Variants in SLC35F4 observed in about 807,000 individuals in gnomAD.
The protein encoded by SLC35F4 is chromosome 14 open reading frame 36.
SLC35F4 carries 24 observed loss-of-function variants against 44.2 expected under a neutral mutation model. That is an observed-to-expected ratio of 0.54 (90% CI 0.39 to 0.76). The LOEUF is 0.76. SLC35F4 is among the 30% of genes least tolerant of loss of function. The pLI is 0.00. For synonymous variants in SLC35F4, 238 were observed against 223.6 expected, an observed-to-expected ratio of 1.06 and a Z score of -0.57; for missense variants, 562 against 586.1, an observed-to-expected ratio of 0.96 and a Z score of 0.42.
At chr14:57,569,676 G>C (rs539893103) in intron 6 of SLC35F4, 112 bp downstream of exon 6, 1 of 1,203,570 alleles carries the variant, frequency 8.3e-7, no homozygotes, top group East Asian at 2.7e-5. Context: ...AACAACATAA[G>C]TTTGGGAACT....
At chr14:57,814,578 T>A (rs1882354505) in intron 1 of SLC35F4, among the ~76,000 whole-genome samples, 1 of 152,264 alleles carries the variant, frequency 6.6e-6, no homozygotes, top group African/African-American at 2.4e-5. Context: ...TAATTTATTA[T>A]GAATACTAAT....
chr14:57,680,276 A>G (rs927787968), intron 1 of SLC35F4, among the ~76,000 whole-genome samples: 1 of 152,268 alleles, frequency 6.6e-6, no homozygotes, highest in African/African-American at 2.4e-5. Context: ...CAAAAACCAC[A>G]TGATTATCTC....
intron 4 of SLC35F4, among the ~76,000 whole-genome samples, chr14:57,577,276 A>G (rs924235668): frequency 3.3e-5 from 5 of 152,170 alleles, no homozygotes; most frequent in African/African-American, 1.2e-4. Flanking sequence ...AGTTTAACTG[A>G]TGTACTTCAG....
intron 1 of SLC35F4, among the ~76,000 whole-genome samples, chr14:57,727,260 A>G (rs1167221470): frequency 6.6e-6 from 1 of 151,936 alleles, no homozygotes; most frequent in Non-Finnish European, 1.5e-5. Flanking sequence ...TATAAGTTGT[A>G]ATGTCTCCTT....
chr14:57,651,545 C>G (rs2073784286), intron 1 of SLC35F4, among the ~76,000 whole-genome samples: 1 of 152,114 alleles, frequency 6.6e-6, no homozygotes, highest in African/African-American at 2.4e-5. Context: ...AGAACCACCT[C>G]TGAGGAGTAA....
At chr14:57,963,540 A>G (rs955506948) in intron 1 of SLC35F4, among the ~76,000 whole-genome samples, 1 of 152,080 alleles carries the variant, frequency 6.6e-6, no homozygotes, top group Non-Finnish European at 1.5e-5. Flanking sequence ...AGCTGCCACC[A>G]AACATAAATG....
At chr14:57,640,569 T>C (rs893254267) in intron 1 of SLC35F4, among the ~76,000 whole-genome samples, 3 of 152,018 alleles carry the variant, frequency 2.0e-5, no homozygotes, top group Non-Finnish European at 2.9e-5. Context: ...TTCAAGAGCA[T>C]TGAAAAGGAT....
chr14:57,656,238 T>A (rs1007240465), intron 1 of SLC35F4, among the ~76,000 whole-genome samples: 4 of 151,718 alleles, frequency 2.6e-5, no homozygotes, highest in African/African-American at 9.7e-5. Context: ...AAGTGGGAGA[T>A]GAAGGGCAAA....
intron 4 of SLC35F4, among the ~76,000 whole-genome samples, chr14:57,579,850 T>C (rs1040967): frequency 0.17 from 25,998 of 152,126 alleles, 2,462 homozygotes; most frequent in East Asian, 0.34. Context: ...GTTGTTATCT[T>C]AAAATTATTA....
At chr14:57,853,594 G>C (rs1886788624) in intron 1 of SLC35F4, among the ~76,000 whole-genome samples, 1 of 152,276 alleles carries the variant, frequency 6.6e-6, no homozygotes, top group South Asian at 2.1e-4. Context: ...CTTTCCCCAG[G>C]AATCTGGATT....
chr14:57,609,676 G>A (rs555185382), intron 1 of SLC35F4, among the ~76,000 whole-genome samples: 2 of 152,160 alleles, frequency 1.3e-5, no homozygotes, highest in South Asian at 2.1e-4. Context: ...CTCTCCTCTC[G>A]AAATCCTAAA....
chr14:57,868,933 A>G (rs1888238859), upstream of SLC35F4, among the ~76,000 whole-genome samples: 1 of 152,198 alleles, frequency 6.6e-6, no homozygotes, highest in Admixed American at 6.5e-5. Flanking sequence ...GAAGGTCATT[A>G]TTTGATTCAT....
chr14:57,775,862 CAGG>C (rs760344720), intron 1 of SLC35F4, among the ~76,000 whole-genome samples: 10 of 152,098 alleles, frequency 6.6e-5, no homozygotes, highest in Non-Finnish European at 1.0e-4. Context: ...CATTGAGATT[CAGG>C]AGAACACTGA....
chr14:57,619,575 G>C (rs1486086756), intron 1 of SLC35F4, among the ~76,000 whole-genome samples: 2 of 152,128 alleles, frequency 1.3e-5, no homozygotes, highest in South Asian at 4.1e-4. Flanking sequence ...ATAAATCCAT[G>C]AAGATGGGGA....
intron 1 of SLC35F4, among the ~76,000 whole-genome samples, chr14:57,599,097 C>T (rs753551235): frequency 1.3e-5 from 2 of 152,208 alleles, no homozygotes; most frequent in Non-Finnish European, 2.9e-5. Context: ...ATTCCCACAG[C>T]TTTCTCTTCT....
intron 1 of SLC35F4, among the ~76,000 whole-genome samples, chr14:57,843,838 C>A (rs1000618438): frequency 2.6e-5 from 4 of 152,086 alleles, no homozygotes; most frequent in Non-Finnish European, 5.9e-5. Context: ...GACATTATAA[C>A]CCCCTGGTAT....
At chr14:57,568,222 C>A (rs1224643855) in intron 6 of SLC35F4, among the ~76,000 whole-genome samples, 1 of 152,200 alleles carries the variant, frequency 6.6e-6, no homozygotes, top group Non-Finnish European at 1.5e-5. Flanking sequence ...GGAGCTCATA[C>A]TGCTTGGTGG....
At chr14:57,664,623 C>G (rs926260602) in intron 1 of SLC35F4, among the ~76,000 whole-genome samples, 1 of 152,112 alleles carries the variant, frequency 6.6e-6, no homozygotes, top group African/African-American at 2.4e-5. Context: ...GTTGGCTAAG[C>G]TGGTCTCGAA....
chr14:57,916,621 A>G (rs1156698268), intron 1 of SLC35F4, among the ~76,000 whole-genome samples: 1 of 152,034 alleles, frequency 6.6e-6, no homozygotes, highest in African/African-American at 2.4e-5. Context: ...TGCATATGTT[A>G]CAACTTTTGT....
Sources: gnomAD v4.1 joint callset for allele counts (sites outside exome capture counted in the v4.1 genomes callset) on GRCh38, gnomAD v4.1.1 for gene constraint, MANE v1.5 for transcripts, NCBI Gene and HGNC (gene_info 2026-07-23, HGNC 2026-07-21) for gene names.